OXR1: variants seen among roughly 807,000 people sequenced by gnomAD.
The protein encoded by OXR1 is oxidation resistance protein 1.
In OXR1, 41 loss-of-function variants were observed where a neutral mutation model predicts 104.6. That is an observed-to-expected ratio of 0.39 (90% CI 0.31 to 0.51). The LOEUF is 0.51. Among genes scored for constraint, OXR1 ranks in the 20% least tolerant of loss-of-function variants. OXR1 has a pLI of 0.77. For synonymous variants in OXR1, 348 were observed against 348.4 expected (o/e 1.00, Z 0.01); for missense variants, 955 against 1,031.9 (o/e 0.93, Z 1.02).
Position 106,649,435 on chromosome 8 carries a change from C to T in OXR1, c.221-29775C>T, listed in dbSNP as rs377558077. ...CTTCTGTACTATAGTTTTGTTTTCCCATATGCATGTACCCAGTTATATATT... is the reference window on the plus strand; with the variant it reads ...CTTCTGTACTATAGTTTTGTTTTCCTATATGCATGTACCCAGTTATATATT... On this transcript the variant is annotated intron_variant, in intron 3 of 16. Coordinates refer to ENST00000517566, the MANE Select transcript of OXR1 (RefSeq NM_001198533.2). Among the ~76,000 whole-genome samples, 129 of 151,436 alleles carry T rather than the reference C, an allele frequency of 8.5e-4. 1 individual carries two copies. The highest frequency in any genetic ancestry group is 2.8e-3 in the African/African-American group (114 of 41,294).
At chr8:106,282,056 A>G (rs1812313069) in intron 1 of OXR1, among the ~76,000 whole-genome samples, 1 of 152,186 alleles carries the variant, frequency 6.6e-6, no homozygotes, top group African/African-American at 2.4e-5. Context: ...ACTTATGTCA[A>G]GTTAATCATA....
chr8:106,525,842 T>C (rs970440098), intron 3 of OXR1, among the ~76,000 whole-genome samples: 2 of 152,344 alleles, frequency 1.3e-5, no homozygotes, highest in Middle Eastern at 3.4e-3. Flanking sequence ...TCTAAACTAA[T>C]CTCACTGTAA....
chr8:106,360,444 A>G (rs1053483541), intron 2 of OXR1, among the ~76,000 whole-genome samples: 2 of 152,164 alleles, frequency 1.3e-5, no homozygotes, highest in African/African-American at 4.8e-5. Flanking sequence ...TGTAGATAGC[A>G]TCAGATTAAA....
chr8:106,345,270 C>G (rs1815432125), intron 1 of OXR1, among the ~76,000 whole-genome samples: 1 of 152,056 alleles, frequency 6.6e-6, no homozygotes, highest in South Asian at 2.1e-4. Flanking sequence ...AAGAGATATG[C>G]AGAAAATATA....
At position 106,317,905 on chromosome 8, in the gene OXR1, C is replaced by T. The variant is rs139359434; in HGVS notation, c.-138-41571C>T. ...GCCACAATAATGTGCATTAATATTC[C>T]AATCTTCCTTCTGCTCATGAAAAAG... On this transcript the variant is annotated intron_variant, in intron 1 of 16. Transcript: ENST00000517566. Among the ~76,000 whole-genome samples, 5 of 151,850 alleles carry T rather than the reference C, an allele frequency of 3.3e-5. No individual in the cohort carries two copies. In the East Asian group the frequency reaches 9.7e-4, roughly 29 times the overall value.
intron 2 of OXR1, among the ~76,000 whole-genome samples, chr8:106,510,054 A>G (rs1029735640): frequency 1.3e-5 from 2 of 152,186 alleles, no homozygotes; most frequent in African/African-American, 4.8e-5. Context: ...TTACAGGAGT[A>G]AGCCACTGCA....
Position 106,409,178 on chromosome 8 carries a change from C to A in OXR1, c.23+49542C>A, listed in dbSNP as rs1426301487. 1.3e-5 allele frequency among the ~76,000 whole-genome samples: 2 copies of A among 152,072 alleles called. 1 individual carries two copies. Among genetic ancestry groups the A allele is most frequent in the Non-Finnish European group, 2.9e-5 (2 of 68,014 alleles). On this transcript the variant is annotated intron_variant, in intron 2 of 16. Coordinates refer to ENST00000517566, the MANE Select transcript of OXR1 (RefSeq NM_001198533.2). ...GACTGATTCCCCACACATGACTTAG[C>A]TAAGGAAAATAGCAGTCACAGTAGG...
At chr8:106,329,222 C>T (rs1814608303) in intron 1 of OXR1, among the ~76,000 whole-genome samples, 1 of 151,564 alleles carries the variant, frequency 6.6e-6, no homozygotes, top group African/African-American at 2.4e-5. Context: ...AAACTCCTGA[C>T]CTCAGGTGAT....
At chr8:106,692,339 A>G (rs969475990) in intron 6 of OXR1, among the ~76,000 whole-genome samples, 1 of 151,938 alleles carries the variant, frequency 6.6e-6, no homozygotes, top group Non-Finnish European at 1.5e-5. Context: ...ATATTATATT[A>G]TATGGTCTTA....
At position 106,706,654 on chromosome 8, in the gene OXR1, T is replaced by G; in HGVS notation, c.1133T>G (p.Val378Gly). 2 of 1,613,598 alleles carry G rather than the reference T, an allele frequency of 1.2e-6. No homozygotes were observed. The highest frequency in any genetic ancestry group is 1.7e-6 in the Non-Finnish European group (2 of 1,179,814). The change falls in exon 9 of 17, where the codon GTA becomes GGA. Residue 378 changes from valine to glycine, a missense_variant. Transcript: ENST00000517566. Reference protein sequence around the residue: ...ESVQTVNQAEVESLTVKSEST... With the variant: ...ESVQTVNQAEGESLTVKSEST... Reference sequence around the variant, plus strand: ...GTGCAAACTGTCAATCAGGCTGAAGTAGAAAGTCTGACAGTCAAATCAGAA... The same window carrying G: ...GTGCAAACTGTCAATCAGGCTGAAGGAGAAAGTCTGACAGTCAAATCAGAA...
intron 2 of OXR1, among the ~76,000 whole-genome samples, chr8:106,421,399 G>A (rs78482487): frequency 0.011 from 1,615 of 152,248 alleles, 27 homozygotes; most frequent in African/African-American, 0.037. Flanking sequence ...AAAAAAATAA[G>A]CATTTATAAT....
At chr8:106,455,740 C>A (rs1235576757) in intron 2 of OXR1, among the ~76,000 whole-genome samples, 1 of 152,172 alleles carries the variant, frequency 6.6e-6, no homozygotes, top group Non-Finnish European at 1.5e-5. Context: ...ACTCTTTTGA[C>A]TCCCAGGATT....
chr8:106,353,328 G>A (rs957808599), intron 1 of OXR1, among the ~76,000 whole-genome samples: 30 of 151,738 alleles, frequency 2.0e-4, no homozygotes, highest in Non-Finnish European at 3.7e-4. Flanking sequence ...CAGCCTGGGC[G>A]ACTCCAGCCT....
chr8:106,473,777 T>C (rs1821646128), intron 2 of OXR1, among the ~76,000 whole-genome samples: 1 of 151,138 alleles, frequency 6.6e-6, no homozygotes, highest in African/African-American at 2.4e-5. Context: ...ACAGTAGTTT[T>C]AGTTTTGCCT....
chr8:106,417,780 C>T (rs754847431), intron 2 of OXR1, among the ~76,000 whole-genome samples: 1 of 152,074 alleles, frequency 6.6e-6, no homozygotes, highest in Non-Finnish European at 1.5e-5. Flanking sequence ...GGGTCCCAAC[C>T]GGAAATAGAT....
At chr8:106,357,427 A>C (rs943848645) in intron 1 of OXR1, among the ~76,000 whole-genome samples, 2 of 152,144 alleles carry the variant, frequency 1.3e-5, no homozygotes, top group African/African-American at 4.8e-5. Context: ...GATGTGGATG[A>C]AACTTCATAG....
At chr8:106,401,901 T>A (rs1420051104) in intron 2 of OXR1, among the ~76,000 whole-genome samples, 2 of 152,212 alleles carry the variant, frequency 1.3e-5, no homozygotes, top group Non-Finnish European at 2.9e-5. Context: ...TTGACCAAGA[T>A]TCCTGCAAAC....
intron 1 of OXR1, among the ~76,000 whole-genome samples, chr8:106,354,241 G>C (rs1815863636): frequency 6.6e-6 from 1 of 151,752 alleles, no homozygotes; most frequent in Non-Finnish European, 1.5e-5. Flanking sequence ...ACAAGAAAGA[G>C]GCTTTAGATT....
chr8:106,411,204 A>G (rs1157186997), intron 2 of OXR1, among the ~76,000 whole-genome samples: 1 of 152,192 alleles, frequency 6.6e-6, no homozygotes, highest in Admixed American at 6.6e-5. Flanking sequence ...TGAAACTTGC[A>G]TGTGGGCAAA....
Sources: allele counts gnomAD v4.1 joint callset (sites outside exome capture counted in the v4.1 genomes callset), GRCh38; gene constraint gnomAD v4.1.1; transcripts MANE v1.5; gene names NCBI Gene and HGNC (gene_info 2026-07-23, HGNC 2026-07-21).